Variants in ZNF446 observed in about 807,000 individuals in gnomAD.
ZNF446 encodes the protein zinc finger protein 446.
In ZNF446, 42 loss-of-function variants were observed where a neutral mutation model predicts 34.0. The ratio of observed to expected loss-of-function variants is 1.23; its 90% CI spans 0.96 to 1.60. The LOEUF (loss-of-function observed/expected upper bound fraction) is 1.60, where lower values mean the gene tolerates loss of function less well. ZNF446 is among the 40% of genes most tolerant of loss of function. ZNF446 has a pLI of 0.00. For missense variants in ZNF446, 650 were observed against 600.2 expected (o/e 1.08, Z -0.87); for synonymous variants, 315 against 251.0 (o/e 1.25, Z -2.41).
At chr19:58,481,761 A>G (rs1477898172), downstream of ZNF446, among the ~76,000 whole-genome samples, 5 of 151,862 alleles carry the variant, frequency 3.3e-5, no homozygotes, top group African/African-American at 1.2e-4. Context: ...CATGGGTCCC[A>G]CTGGGCTAAA....
Position 58,477,272 on chromosome 19 carries a change from C to T in ZNF446, c.54C>T (p.Thr18=). 2 of 1,610,516 alleles carry T rather than the reference C, an allele frequency of 1.2e-6. No individual in the cohort carries two copies. Among genetic ancestry groups the T allele is most frequent in the South Asian group, 1.1e-5 (1 of 90,786 alleles). The change falls in exon 2 of 7, where the codon ACC becomes ACT. Residue 18 remains threonine (T), a synonymous_variant. Coordinates refer to ENST00000594369, the MANE Select transcript of ZNF446 (RefSeq NM_017908.4). ...TGCCCGTCATGGACCCAGAGACCAC[C>T]CTTGAGGAGCCTGAGACTGCCCGCC... The part of the protein sequence containing the change: ...PCLPVMDPET[T]LEEPETARLR...
Position 58,480,245 on chromosome 19 carries a change from G to A in ZNF446, c.872G>A (p.Trp291Ter). Residue 291 changes from tryptophan (W) to a stop codon, truncating the protein, a stop_gained, in exon 7 of 7, where the codon TGG becomes TAG. Coordinates refer to ENST00000594369, the MANE Select transcript of ZNF446 (RefSeq NM_017908.4). LOFTEE classifies it low-confidence loss of function (END_TRUNC). This position sits in a 1 kb window ranked among gnomAD's most constrained non-coding sequence, Gnocchi z 7.2. ...QPPQGPGPAA[W>*]EGLSGAATPA... ...CCCCAGGGCCCAGGGCCGGCAGCCT[G>A]GGAGGGCTTGTCTGGGGCTGCCACT... 6.3e-7 allele frequency: 1 copy of A among 1,584,656 alleles called. No individual in the cohort carries two copies. The highest frequency in any genetic ancestry group is 8.5e-7 in the Non-Finnish European group (1 of 1,170,228).
Position 58,480,099 on chromosome 19 carries a change from G to A in ZNF446, c.803-77G>A. ...GAGCCACCCACTCATGGGGGGACGG[G>A]AGCTTGTGCCACGGCCACAAGCCTG... On this transcript the variant is annotated intron_variant, in intron 6 of 6. Coordinates refer to ENST00000594369, the MANE Select transcript of ZNF446 (RefSeq NM_017908.4). This position sits in a 1 kb window ranked among gnomAD's most constrained non-coding sequence, Gnocchi z 7.2. The A allele has an allele frequency of 6.4e-7, 1 of 1,560,148 alleles. No individual in the cohort carries two copies. The highest frequency in any genetic ancestry group is 1.2e-5 in the South Asian group (1 of 86,548).
At chr19:58,477,135 G>T in intron 1 of ZNF446, 44 bp from the exon 2 acceptor site, 1 of 1,280,402 alleles carries the variant, frequency 7.8e-7, no homozygotes, top group East Asian at 2.3e-5. Context: ...CCTTCCCCTG[G>T]CCAGATTCTC....
rs368531505 is a variant in ZNF446 at position 58,479,684 on chromosome 19, C to T, written c.669C>T (p.Tyr223=). ...TGGACCGGTCACAGAAGGAACTGTACTGGGATGCGATGCTGGAGAAGTACG... is the reference window on the plus strand; with the variant it reads ...TGGACCGGTCACAGAAGGAACTGTATTGGGATGCGATGCTGGAGAAGTACG... ...GLLDRSQKEL[Y]WDAMLEKYGT... Residue 223 remains tyrosine (Y), a synonymous_variant, in exon 5 of 7, where the codon TAC becomes TAT. Coordinates refer to ENST00000594369, the MANE Select transcript of ZNF446 (RefSeq NM_017908.4). 1.6e-5 allele frequency: 26 copies of T among 1,613,898 alleles called. No individual in the cohort carries two copies. In the African/African-American group the frequency reaches 1.9e-4, roughly 12 times the overall value.
chr19:58,486,919 C>T, the ZNF446 span, among the ~76,000 whole-genome samples: 1 of 152,016 alleles, frequency 6.6e-6, no homozygotes, highest in Admixed American at 6.6e-5. Context: ...TCTCCTGCCT[C>T]AGCCTCCTGA....
chr19:58,484,439 C>G (rs1298034728), downstream of ZNF446, among the ~76,000 whole-genome samples: 1 of 147,202 alleles, frequency 6.8e-6, no homozygotes, highest in Non-Finnish European at 1.5e-5. Flanking sequence ...GCACTCCAGC[C>G]TGGGCAACAG....
At chr19:58,477,881 C>T in intron 3 of ZNF446, 55 bp downstream of exon 3, 3 of 1,466,416 alleles carry the variant, frequency 2.0e-6, no homozygotes, top group South Asian at 1.4e-5. Flanking sequence ...TGTGGACATT[C>T]CTGGCTAGGG....
chr19:58,486,991 G>A, the ZNF446 span, among the ~76,000 whole-genome samples: 15 of 89,696 alleles, frequency 1.7e-4, no homozygotes, highest in African/African-American at 5.2e-4. Flanking sequence ...TAGTAGAGAC[G>A]GGGTTTCACC....
downstream of ZNF446, chr19:58,481,364 C>T (rs1274104236): frequency 6.5e-6 from 1 of 153,052 alleles, no homozygotes; most frequent in East Asian, 1.9e-4. Context: ...CCACAGAACC[C>T]AGGTCCCAGG....
chr19:58,482,527 TATGTGCAGC>T (rs1313808443), downstream of ZNF446, among the ~76,000 whole-genome samples: 1 of 152,114 alleles, frequency 6.6e-6, no homozygotes, highest in Non-Finnish European at 1.5e-5. Flanking sequence ...CAGCTGCTGG[TATGTGCAGC>T]ATGTGCACAA....
At chr19:58,483,137 C>T (rs895605921), downstream of ZNF446, among the ~76,000 whole-genome samples, 35 of 150,516 alleles carry the variant, frequency 2.3e-4, no homozygotes, top group African/African-American at 8.3e-4. Context: ...TGGGAGACCA[C>T]GAGTTCAAGA....
chr19:58,481,977 G>A (rs1341281354), downstream of ZNF446, among the ~76,000 whole-genome samples: 3 of 152,088 alleles, frequency 2.0e-5, no homozygotes, highest in Non-Finnish European at 2.9e-5. Flanking sequence ...TGCATTTTTA[G>A]TAGAGACGGG....
At chr19:58,487,043 G>A in the ZNF446 span, among the ~76,000 whole-genome samples, 3 of 151,848 alleles carry the variant, frequency 2.0e-5, no homozygotes, top group South Asian at 2.1e-4. Flanking sequence ...CGTCCACCTC[G>A]GCCTCCCAAA....
At position 58,480,892 on chromosome 19, in the gene ZNF446, T is replaced by G; in HGVS notation, c.*166T>G. Reference sequence around the variant, plus strand: ...TCTGGTCTCCCCCAAAAGACCTGGGTGCAAGGAAAAGGAGCTGCTCTCTCT... The same window carrying G: ...TCTGGTCTCCCCCAAAAGACCTGGGGGCAAGGAAAAGGAGCTGCTCTCTCT... On this transcript the variant is annotated 3_prime_UTR_variant, in exon 7 of 7. Transcript: ENST00000594369. The surrounding 1 kb of genome is among the most constrained non-coding windows in gnomAD (Gnocchi z 7.2). 1 of 811,252 alleles carries G rather than the reference T, an allele frequency of 1.2e-6. No individual in the cohort carries two copies. Among genetic ancestry groups the G allele is most frequent in the Non-Finnish European group, 1.9e-6 (1 of 530,366 alleles). The allele number at this position is 811,252 out of a possible 1,614,324, so 50.3% of individuals were successfully genotyped here.
In ZNF446 at chr19:58,480,445, C is replaced by T. The variant is rs1490693628; in HGVS notation, c.1072C>T (p.Pro358Ser). The change falls in exon 7 of 7, where the codon CCA becomes TCA. Residue 358 changes from proline to serine, a missense_variant. Physicochemically the swap from Pro to Ser is moderately conservative, Grantham distance 74 (BLOSUM62 -1). Transcript: ENST00000594369. The surrounding 1 kb of genome is among the most constrained non-coding windows in gnomAD (Gnocchi z 7.2). The part of the protein sequence containing the change: ...VIHHRTHTSG[P>S]GVQSPGLATG... ...CCACCACCGGACACACACGAGTGGG[C>T]CAGGTGTGCAGTCCCCGGGGCTAGC... 6.2e-7 allele frequency: 1 copy of T among 1,612,754 alleles called. No homozygotes were observed. The highest frequency in any genetic ancestry group is 1.7e-5 in the Admixed American group (1 of 60,012).
At chr19:58,477,581 C>G in intron 2 of ZNF446, 21 bp downstream of exon 2, 2 of 1,612,700 alleles carry the variant, frequency 1.2e-6, no homozygotes, top group South Asian at 2.2e-5. Flanking sequence ...CTGGCATCAG[C>G]TTCTTGGAGG....
At chr19:58,477,060 A>C (rs371030380) in intron 1 of ZNF446, 119 bp from the exon 2 acceptor site, 76 of 624,982 alleles carry the variant, frequency 1.2e-4, no homozygotes, top group African/African-American at 6.4e-4. Flanking sequence ...TCTTGGCCTT[A>C]TCTCTTCTGG....
Position 58,480,543 on chromosome 19 carries a change from A to T in ZNF446, c.1170A>T (p.Thr390=). 6.2e-7 allele frequency: 1 copy of T among 1,612,722 alleles called. No individual in the cohort carries two copies. The highest frequency in any genetic ancestry group is 2.2e-5 in the East Asian group (1 of 44,858). The change falls in exon 7 of 7, where the codon ACA becomes ACT. Residue 390 remains threonine (T), a synonymous_variant. Transcript: ENST00000594369. This position sits in a 1 kb window ranked among gnomAD's most constrained non-coding sequence, Gnocchi z 7.2. ...CGCACCACCCCCGACGCTCACTCACAGGCCCCCGGAGTTACCCGTGTGAGG... is the reference window on the plus strand; with the variant it reads ...CGCACCACCCCCGACGCTCACTCACTGGCCCCCGGAGTTACCCGTGTGAGG... ...AFPHHPRRSL[T]GPRSYPCEEC...
Sources: gnomAD v4.1 joint callset for allele counts (sites outside exome capture counted in the v4.1 genomes callset) on GRCh38, gnomAD v4.1.1 for gene constraint, Gnocchi (gnomAD v3.1) non-coding constraint, MANE v1.5 for transcripts, NCBI Gene and HGNC (gene_info 2026-07-23, HGNC 2026-07-21) for gene names.